Variants in ZBTB16 observed in about 807,000 individuals in gnomAD.
The protein encoded by ZBTB16 is zinc finger and BTB domain-containing protein 16.
ZBTB16 carries 8 observed loss-of-function variants against 56.8 expected under a neutral mutation model. The ratio of observed to expected loss-of-function variants is 0.14; its 90% CI spans 0.08 to 0.25. The LOEUF (loss-of-function observed/expected upper bound fraction) is 0.25, where lower values mean the gene tolerates loss of function less well. Ranked by LOEUF, ZBTB16 falls within the 10% of genes least tolerant of loss-of-function variation. The pLI, the probability that ZBTB16 is intolerant of heterozygous loss-of-function variation, is 1.00. For missense variants in ZBTB16, 625 were observed against 903.0 expected (o/e 0.69, Z 3.95); for synonymous variants, 363 against 368.5 (o/e 0.98, Z 0.17).
At chr11:114,186,170 T>C (rs1440560169) in intron 3 of ZBTB16, among the ~76,000 whole-genome samples, 1 of 152,078 alleles carries the variant, frequency 6.6e-6, no homozygotes, top group Non-Finnish European at 1.5e-5. Context: ...AGTTGATGTA[T>C]GAATGACGAA....
Position 114,253,526 on chromosome 11 carries a change from T to C in ZBTB16, c.*2971T>C, listed in dbSNP as rs1944951740. ...ATCATGCAGTATTGTCGTAATCTGG[T>C]GTTGCAGCAATGGATGGTACTAAAT... On this transcript the variant is annotated 3_prime_UTR_variant, in exon 7 of 7. Transcript: ENST00000335953. Among the ~76,000 whole-genome samples, 1 of 152,194 alleles carries C rather than the reference T, an allele frequency of 6.6e-6. No homozygotes were observed. Among genetic ancestry groups the C allele is most frequent in the Non-Finnish European group, 1.5e-5 (1 of 68,038 alleles).
chr11:114,225,686 G>A (rs1236456787), intron 4 of ZBTB16, among the ~76,000 whole-genome samples: 2 of 152,164 alleles, frequency 1.3e-5, no homozygotes, highest in East Asian at 3.9e-4. Context: ...GCTGCATTAA[G>A]ATCAAGTTTT....
At chr11:114,172,975 G>T (rs1477207135) in intron 3 of ZBTB16, among the ~76,000 whole-genome samples, 1 of 152,114 alleles carries the variant, frequency 6.6e-6, no homozygotes, top group East Asian at 1.9e-4. Flanking sequence ...GCTGAATTTT[G>T]AGCCTGCAAA....
intron 2 of ZBTB16, among the ~76,000 whole-genome samples, chr11:114,068,752 T>G (rs1162302650): frequency 6.6e-6 from 1 of 152,206 alleles, no homozygotes; most frequent in Non-Finnish European, 1.5e-5. Context: ...CCTCCCTTTC[T>G]TATTCCAAAA....
intron 2 of ZBTB16, among the ~76,000 whole-genome samples, chr11:114,075,547 C>G (rs1357702821): frequency 2.0e-5 from 3 of 151,732 alleles, no homozygotes; most frequent in Admixed American, 6.6e-5. Flanking sequence ...ACTTCCGCCT[C>G]CTGGGTCCAA....
At chr11:114,217,598 T>C (rs1052486310) in intron 4 of ZBTB16, among the ~76,000 whole-genome samples, 2 of 152,170 alleles carry the variant, frequency 1.3e-5, no homozygotes, top group Non-Finnish European at 2.9e-5. Flanking sequence ...ATATAAGATG[T>C]CTGCGGAACA....
intron 4 of ZBTB16, chr11:114,209,699 G>C (rs1467926077): frequency 5.1e-6 from 5 of 985,454 alleles, no homozygotes; most frequent in Non-Finnish European, 6.0e-6. Flanking sequence ...AGGAGGCAAG[G>C]ATAGAGAATC....
intron 2 of ZBTB16, among the ~76,000 whole-genome samples, chr11:114,122,375 G>A (rs1399163363): frequency 6.6e-6 from 1 of 152,178 alleles, no homozygotes; most frequent in African/African-American, 2.4e-5. Flanking sequence ...CATTTACTGT[G>A]GGGGTAGGTG....
At chr11:114,111,156 C>CGTGTGTGTGTGT (rs4020003) in intron 2 of ZBTB16, among the ~76,000 whole-genome samples, 9,354 of 148,882 alleles carry the variant, frequency 0.063, 352 homozygotes, top group East Asian at 0.1. Flanking sequence ...ATCTGTGCTG[C>CGTGTGTGTGTGT]GTGTGTGTGT....
intron 2 of ZBTB16, among the ~76,000 whole-genome samples, chr11:114,129,621 T>C (rs1941608478): frequency 6.6e-6 from 1 of 152,248 alleles, no homozygotes; most frequent in South Asian, 2.1e-4. Flanking sequence ...CTCAGAAATA[T>C]TTTATATTCT....
In ZBTB16 at chr11:114,064,082, A is replaced by C; in HGVS notation, c.782A>C (p.Glu261Ala). 6.2e-7 allele frequency: 1 copy of C among 1,613,846 alleles called. No individual in the cohort carries two copies. Among genetic ancestry groups the C allele is most frequent in the Non-Finnish European group, 8.5e-7 (1 of 1,179,960 alleles). Reference protein sequence around the residue: ...VPSQDSPGAAESSISGGMGDK... With the variant: ...VPSQDSPGAAASSISGGMGDK... Reference sequence around the variant, plus strand: ...AGCCAGGACAGCCCTGGGGCAGCCGAGTCCAGCATCTCAGGAGGGATGGGG... The same window carrying C: ...AGCCAGGACAGCCCTGGGGCAGCCGCGTCCAGCATCTCAGGAGGGATGGGG... The change falls in exon 2 of 7, where the codon GAG becomes GCG. Residue 261 changes from glutamate (E) to alanine (A), a missense_variant. This residue lies in a region of ZBTB16 where 384 missense variants were observed against 393.5 expected (regional missense o/e 0.98). Coordinates refer to ENST00000335953, the MANE Select transcript of ZBTB16 (RefSeq NM_006006.6). This position sits in a 1 kb window ranked among gnomAD's most constrained non-coding sequence, Gnocchi z 4.2.
chr11:114,205,136 G>A (rs1300585747), intron 4 of ZBTB16, among the ~76,000 whole-genome samples: 4 of 152,120 alleles, frequency 2.6e-5, no homozygotes, highest in South Asian at 2.1e-4. Flanking sequence ...TCGGCCGGGC[G>A]CGGTGGCTTA....
chr11:114,081,381 G>A (rs569729051), intron 2 of ZBTB16, among the ~76,000 whole-genome samples: 1 of 151,174 alleles, frequency 6.6e-6, no homozygotes, highest in Non-Finnish European at 1.5e-5. Flanking sequence ...TCCTTGAAGA[G>A]CTTATACTTT....
At chr11:114,162,116 CA>C (rs1160870950) in intron 3 of ZBTB16, among the ~76,000 whole-genome samples, 1 of 152,214 alleles carries the variant, frequency 6.6e-6, no homozygotes, top group Non-Finnish European at 1.5e-5. Flanking sequence ...CTGATTTCAG[CA>C]GCAGCATGGA....
intron 2 of ZBTB16, among the ~76,000 whole-genome samples, chr11:114,132,885 C>T (rs1941702603): frequency 1.3e-5 from 2 of 152,076 alleles, no homozygotes; most frequent in African/African-American, 4.8e-5. Context: ...ATGTGTCTCC[C>T]CTCCTTTCTC....
chr11:114,087,902 C>G (rs1172733201), intron 2 of ZBTB16, among the ~76,000 whole-genome samples: 2 of 152,340 alleles, frequency 1.3e-5, no homozygotes, highest in Non-Finnish European at 1.5e-5. Context: ...AGTCCACTCT[C>G]TAGCATATGG....
intron 4 of ZBTB16, among the ~76,000 whole-genome samples, chr11:114,193,707 G>A (rs967920994): frequency 4.6e-5 from 7 of 152,158 alleles, no homozygotes; most frequent in Non-Finnish European, 1.0e-4. Flanking sequence ...TATTGGAGTG[G>A]GAAAAGCCAG....
Position 114,064,714 on chromosome 11 carries a change from G to A in ZBTB16, c.1268+146G>A, listed in dbSNP as rs1004972254. ...ACCAGAACACTTCTTCTAAAGTTCT[G>A]GCGGGGAGGGGAGCAGGTTTTTTAA... On this transcript the variant is annotated intron_variant, in intron 2 of 6. Coordinates refer to ENST00000335953, the MANE Select transcript of ZBTB16 (RefSeq NM_006006.6). This position sits in a 1 kb window ranked among gnomAD's most constrained non-coding sequence, Gnocchi z 4.2. The A allele has an allele frequency of 5.4e-6, 6 of 1,119,592 alleles. No individual in the cohort carries two copies. In the East Asian group the frequency reaches 1.5e-4, roughly 29 times the overall value. The allele number at this position is 1,119,592 out of a possible 1,614,324, so 69.4% of individuals were successfully genotyped here.
intron 4 of ZBTB16, among the ~76,000 whole-genome samples, chr11:114,202,863 AT>A (rs961298134): frequency 2.0e-5 from 3 of 152,050 alleles, no homozygotes; most frequent in Admixed American, 1.3e-4. Flanking sequence ...GAAGTCTCAG[AT>A]TTTTTTTAAC....
Sources: gnomAD v4.1 joint callset for allele counts (sites outside exome capture counted in the v4.1 genomes callset) on GRCh38, gnomAD v4.1.1 for gene constraint, gnomAD v4.1.1 regional missense constraint, Gnocchi (gnomAD v3.1) non-coding constraint, MANE v1.5 for transcripts, NCBI Gene and HGNC (gene_info 2026-07-23, HGNC 2026-07-21) for gene names.